ZFAT: variants seen among roughly 807,000 people sequenced by gnomAD.
The protein encoded by ZFAT is zinc finger protein ZFAT.
In ZFAT, 64 loss-of-function variants were observed where a neutral mutation model predicts 117.7. The observed-to-expected ratio is 0.54, with a 90% CI of 0.44 to 0.67. ZFAT has a LOEUF of 0.67. Among genes scored for constraint, ZFAT ranks in the 30% least tolerant of loss-of-function variants. ZFAT has a pLI of 0.00. For missense variants in ZFAT, 1,433 were observed against 1,584.5 expected (o/e 0.90, Z 1.62); for synonymous variants, 679 against 615.0 (o/e 1.10, Z -1.54).
chr8:134,754,458 G>A, the ZFAT span, among the ~76,000 whole-genome samples: 359 of 152,324 alleles, frequency 2.4e-3, 1 homozygote, highest in Non-Finnish European at 2.8e-3. Context: ...TCAGTATACA[G>A]CATGGGAATA....
At chr8:134,577,448 G>A (rs1181916763) in intron 10 of ZFAT, among the ~76,000 whole-genome samples, 4 of 152,194 alleles carry the variant, frequency 2.6e-5, no homozygotes, top group Non-Finnish European at 5.9e-5. Context: ...ATTTAATGGT[G>A]AGTTCCTTGA....
intron 9 of ZFAT, among the ~76,000 whole-genome samples, chr8:134,585,738 T>C (rs1207068478): frequency 6.6e-6 from 1 of 152,164 alleles, no homozygotes; most frequent in Non-Finnish European, 1.5e-5. Flanking sequence ...ATCCACAACA[T>C]GGCATTCACC....
At position 134,637,535 on chromosome 8, in the gene ZFAT, A is replaced by G; in HGVS notation, c.374T>C (p.Phe125Ser). ...CTTCCGCAGCTGGCGCGTGTTGGAG[A>G]ACTTCCGACAGCACTTGCTACACTC... Reference protein sequence around the residue: ...SLECSKCCRKFSNTRQLRKHI... With the variant: ...SLECSKCCRKSSNTRQLRKHI... The change falls in exon 3 of 16, where the codon TTC becomes TCC. Residue 125 changes from phenylalanine (F) to serine (S), a missense_variant. By Grantham distance (155) the Phe-to-Ser change is radical. Coordinates refer to ENST00000377838, the MANE Select transcript of ZFAT (RefSeq NM_020863.4). 1.2e-6 allele frequency: 2 copies of G among 1,614,194 alleles called. No homozygotes were observed. The highest frequency in any genetic ancestry group is 1.7e-6 in the Non-Finnish European group (2 of 1,180,022).
intron 11 of ZFAT, among the ~76,000 whole-genome samples, chr8:134,553,868 G>C (rs1450516766): frequency 3.3e-5 from 5 of 152,172 alleles, no homozygotes; most frequent in Non-Finnish European, 7.3e-5. Flanking sequence ...GGGAAGCCAG[G>C]ATTCTATGAT....
At chr8:134,519,768 T>C (rs1309283566) in intron 13 of ZFAT, among the ~76,000 whole-genome samples, 1 of 152,176 alleles carries the variant, frequency 6.6e-6, no homozygotes, top group African/African-American at 2.4e-5. Context: ...CTGACTTCTG[T>C]GGAAACACTC....
intron 1 of ZFAT, among the ~76,000 whole-genome samples, chr8:134,668,981 C>A (rs1428769949): frequency 3.3e-5 from 5 of 152,036 alleles, no homozygotes; most frequent in Non-Finnish European, 5.9e-5. Context: ...CCGATTCGAT[C>A]AACTGGAAGA....
chr8:134,734,615 C>T, the ZFAT span, among the ~76,000 whole-genome samples: 1 of 152,300 alleles, frequency 6.6e-6, no homozygotes, highest in Admixed American at 6.5e-5. Context: ...CAGGGGAGCA[C>T]TGGAGAAGCA....
At chr8:134,592,224 T>C (rs530114243) in intron 7 of ZFAT, among the ~76,000 whole-genome samples, 1 of 152,288 alleles carries the variant, frequency 6.6e-6, no homozygotes. Context: ...CTCCTCACTG[T>C]GCTCCCCACC....
At chr8:134,539,291 C>T (rs1822073080) in intron 11 of ZFAT, among the ~76,000 whole-genome samples, 1 of 152,072 alleles carries the variant, frequency 6.6e-6, no homozygotes, top group Admixed American at 6.5e-5. Context: ...GGCTTTTTGG[C>T]AAAAAGAGGA....
At chr8:134,661,991 C>T (rs1357315371) in intron 1 of ZFAT, among the ~76,000 whole-genome samples, 1 of 152,166 alleles carries the variant, frequency 6.6e-6, no homozygotes, top group Non-Finnish European at 1.5e-5. Context: ...TGTCCCAGTC[C>T]ATCTGAGTAG....
intron 1 of ZFAT, among the ~76,000 whole-genome samples, chr8:134,688,035 G>A (rs1330404579): frequency 1.3e-5 from 2 of 152,088 alleles, no homozygotes; most frequent in East Asian, 3.8e-4. Flanking sequence ...TCCTGAATCT[G>A]TAGGGACTCA....
chr8:134,546,469 G>C (rs531429976), intron 11 of ZFAT, among the ~76,000 whole-genome samples: 23 of 152,302 alleles, frequency 1.5e-4, no homozygotes, highest in African/African-American at 5.5e-4. Context: ...TGTGTAGCTG[G>C]GCTGGGGGAG....
chr8:134,526,273 C>T (rs568171206), intron 12 of ZFAT, among the ~76,000 whole-genome samples: 2 of 152,242 alleles, frequency 1.3e-5, no homozygotes, highest in African/African-American at 4.8e-5. Flanking sequence ...AAACTTCAGC[C>T]TTTGCCACAG....
At chr8:134,502,184 G>A (rs1314704777) in intron 15 of ZFAT, among the ~76,000 whole-genome samples, 2 of 152,202 alleles carry the variant, frequency 1.3e-5, no homozygotes, top group Non-Finnish European at 2.9e-5. Context: ...CCCGATGGGA[G>A]GAGGCCAGTC....
chr8:134,513,843 C>A (rs1820044076), intron 13 of ZFAT, among the ~76,000 whole-genome samples: 1 of 152,168 alleles, frequency 6.6e-6, no homozygotes, highest in South Asian at 2.1e-4. Context: ...GCCAACTGGC[C>A]AAGTCCATTT....
At chr8:134,658,039 G>A (rs1358662643) in intron 1 of ZFAT, among the ~76,000 whole-genome samples, 6 of 152,172 alleles carry the variant, frequency 3.9e-5, no homozygotes, top group African/African-American at 1.4e-4. Flanking sequence ...GTACAGCCAA[G>A]TAAAAAATAA....
chr8:134,732,259 T>C, the ZFAT span, among the ~76,000 whole-genome samples: 2 of 152,166 alleles, frequency 1.3e-5, no homozygotes, highest in African/African-American at 2.4e-5. Context: ...AGCTGGGACA[T>C]AGGCCCGCTC....
At chr8:134,787,925 T>C in the ZFAT span, among the ~76,000 whole-genome samples, 2 of 152,304 alleles carry the variant, frequency 1.3e-5, no homozygotes, top group East Asian at 1.9e-4. Context: ...CTGTATAGTT[T>C]GTATTCAGTG....
At chr8:134,680,439 T>C (rs1050153493) in intron 1 of ZFAT, among the ~76,000 whole-genome samples, 1 of 152,114 alleles carries the variant, frequency 6.6e-6, no homozygotes, top group African/African-American at 2.4e-5. Flanking sequence ...TACAAATAAA[T>C]GTGTGTATTG....
Sources: allele counts gnomAD v4.1 joint callset (sites outside exome capture counted in the v4.1 genomes callset), GRCh38; gene constraint gnomAD v4.1.1; transcripts MANE v1.5; gene names NCBI Gene and HGNC (gene_info 2026-07-23, HGNC 2026-07-21).